The following ITGB5 variants were observed in gnomAD, a reference collection of about 807,000 sequenced individuals.
ITGB5 encodes the protein integrin subunit beta 5.
In ITGB5, 38 loss-of-function variants were observed where a neutral mutation model predicts 84.8. The ratio of observed to expected loss-of-function variants is 0.45; its 90% CI spans 0.35 to 0.59. The LOEUF (loss-of-function observed/expected upper bound fraction) is 0.59. ITGB5 is among the 20% of genes least tolerant of loss of function. The probability of loss-of-function intolerance (pLI) is 0.01; values close to 1 mark genes in which losing one functional copy is unlikely to be tolerated. For synonymous variants in ITGB5, 393 were observed against 414.4 expected, an observed-to-expected ratio of 0.95 and a Z score of 0.63; for missense variants, 905 against 1,034.5, an observed-to-expected ratio of 0.87 and a Z score of 1.72.
chr3:124,841,156 C>A (rs2065005273), intron 5 of ITGB5, among the ~76,000 whole-genome samples: 1 of 152,224 alleles, frequency 6.6e-6, no homozygotes, highest in Non-Finnish European at 1.5e-5. Context: ...TTGCACACAA[C>A]CACACCCTGA....
intron 6 of ITGB5, 101 bp from the exon 7 acceptor site, chr3:124,819,935 GCAC>G (rs2064674715): frequency 1.1e-6 from 1 of 886,888 alleles, no homozygotes; most frequent in African/African-American, 1.6e-5. Context: ...TGCCAGGGAA[GCAC>G]CTTTTCCTTA....
chr3:124,856,396 T>C (rs143978665), intron 3 of ITGB5, among the ~76,000 whole-genome samples: 4 of 152,346 alleles, frequency 2.6e-5, no homozygotes, highest in Middle Eastern at 3.4e-3. Flanking sequence ...TAAAGGATAC[T>C]TCTTGGAGAG....
upstream of ITGB5, among the ~76,000 whole-genome samples, chr3:124,890,761 A>G (rs746433528): frequency 1.8e-4 from 28 of 152,224 alleles, no homozygotes; most frequent in Admixed American, 7.8e-4. Context: ...ACCTGCCATA[A>G]GCTCTAAATC....
chr3:124,825,192 G>A (rs1293094974), intron 5 of ITGB5, among the ~76,000 whole-genome samples: 13 of 129,502 alleles, frequency 1.0e-4, no homozygotes, highest in African/African-American at 1.9e-4. Flanking sequence ...GCGAGACTCC[G>A]TCTCAAAAAA....
chr3:124,831,021 A>G (rs1317028725), intron 5 of ITGB5, among the ~76,000 whole-genome samples: 1 of 152,012 alleles, frequency 6.6e-6, no homozygotes, highest in Non-Finnish European at 1.5e-5. Context: ...AAACAAGAAA[A>G]TTCTTCCTTA....
chr3:124,801,126 G>A (rs568993075), intron 9 of ITGB5, among the ~76,000 whole-genome samples: 10 of 152,284 alleles, frequency 6.6e-5, no homozygotes, highest in East Asian at 3.9e-4. Context: ...ACAGAGTCCC[G>A]AGGAGTGGAC....
chr3:124,894,207 A>G (rs1197942451), intron 1 of ITGB5, among the ~76,000 whole-genome samples: 1 of 136,090 alleles, frequency 7.3e-6, no homozygotes, highest in East Asian at 2.2e-4. Context: ...ATCTCGGCTC[A>G]CTGCAAGCTC....
chr3:124,856,961 A>G (rs921863688), intron 3 of ITGB5, among the ~76,000 whole-genome samples: 1 of 152,196 alleles, frequency 6.6e-6, no homozygotes, highest in Admixed American at 6.5e-5. Context: ...AAAAAGGCTG[A>G]GTGTTGCTTA....
intron 5 of ITGB5, among the ~76,000 whole-genome samples, chr3:124,837,736 C>T (rs1395907437): frequency 6.6e-6 from 1 of 152,238 alleles, no homozygotes; most frequent in Non-Finnish European, 1.5e-5. Context: ...AACTAACAGT[C>T]CATTCAGGGA....
At chr3:124,853,209 C>T (rs1403174100) in intron 3 of ITGB5, among the ~76,000 whole-genome samples, 3 of 152,164 alleles carry the variant, frequency 2.0e-5, no homozygotes, top group Admixed American at 2.0e-4. Flanking sequence ...AGAAGGGAAA[C>T]ATAAAAATCA....
chr3:124,848,603 G>A, intron 3 of ITGB5, 45 bp from the exon 4 acceptor site: 4 of 1,559,898 alleles, frequency 2.6e-6, no homozygotes, highest in Non-Finnish European at 3.5e-6. Flanking sequence ...TGTGCAACCT[G>A]CTGAGGGCTG....
At chr3:124,769,455 C>G in intron 11 of ITGB5, 1 of 213,592 alleles carries the variant, frequency 4.7e-6, no homozygotes, top group Non-Finnish European at 9.3e-6. Flanking sequence ...GGTGATAAAA[C>G]AGTATTCCTG....
At chr3:124,804,495 C>T (rs1419689924) in intron 9 of ITGB5, among the ~76,000 whole-genome samples, 2 of 152,100 alleles carry the variant, frequency 1.3e-5, no homozygotes, top group African/African-American at 4.8e-5. Context: ...TTACAGTCCA[C>T]TATGATCAAG....
At chr3:124,866,431 A>G (rs2065391374) in intron 2 of ITGB5, among the ~76,000 whole-genome samples, 1 of 152,202 alleles carries the variant, frequency 6.6e-6, no homozygotes, top group South Asian at 2.1e-4. Flanking sequence ...CATCCTGCCT[A>G]CCATTGCTGA....
chr3:124,890,706 C>T (rs1039008253), upstream of ITGB5, among the ~76,000 whole-genome samples: 3 of 152,116 alleles, frequency 2.0e-5, no homozygotes, highest in Non-Finnish European at 4.4e-5. Context: ...ACTAGCCCCC[C>T]TCCTATTATC....
chr3:124,822,564 G>C (rs1196914597), intron 5 of ITGB5, among the ~76,000 whole-genome samples: 1 of 152,110 alleles, frequency 6.6e-6, no homozygotes, highest in Non-Finnish European at 1.5e-5. Context: ...AGGCGGCATG[G>C]AAATAAAAAA....
chr3:124,811,967 A>G (rs2064510566), intron 8 of ITGB5, among the ~76,000 whole-genome samples: 1 of 152,184 alleles, frequency 6.6e-6, no homozygotes, highest in South Asian at 2.1e-4. Flanking sequence ...GTCCACAGAT[A>G]AGGTAAAAAA....
rs1307897297 is a variant in ITGB5 at position 124,763,633 on chromosome 3, G to A, written c.2390C>T (p.Thr797Ile). 1 of 1,593,284 alleles carries A rather than the reference G, an allele frequency of 6.3e-7. No individual in the cohort carries two copies. Among genetic ancestry groups the A allele is most frequent in the Non-Finnish European group, 8.6e-7 (1 of 1,161,212 alleles). Residue 797 changes from threonine to isoleucine, a missense_variant, in exon 15 of 15, where the codon ACT (threonine) becomes ATT (isoleucine). This residue lies in a region of ITGB5 where 133 missense variants were observed against 122.8 expected (regional missense o/e 1.08). Coordinates refer to ENST00000296181, the MANE Select transcript of ITGB5 (RefSeq NM_002213.5). Reference sequence around the variant, plus strand: ...TCGGAGAAGGAAACATCAGTCCACAGTGCCATTGTAGGATTTGTTGAACTT... The same window carrying A: ...TCGGAGAAGGAAACATCAGTCCACAATGCCATTGTAGGATTTGTTGAACTT... ...FNKFNKSYNG[T>I]VD
intron 12 of ITGB5, among the ~76,000 whole-genome samples, chr3:124,767,519 C>A (rs934704297): frequency 1.3e-5 from 2 of 152,202 alleles, no homozygotes; most frequent in African/African-American, 4.8e-5. Context: ...ATAAACCAAG[C>A]GAACCAGTCC....
Sources: allele counts gnomAD v4.1 joint callset (sites outside exome capture counted in the v4.1 genomes callset), GRCh38; gene constraint gnomAD v4.1.1; regional missense constraint gnomAD v4.1.1; transcripts MANE v1.5; gene names NCBI Gene and HGNC (gene_info 2026-07-23, HGNC 2026-07-21).